The following ITCH variants were observed in gnomAD, a reference collection of about 807,000 sequenced individuals.
The protein encoded by ITCH is E3 ubiquitin-protein ligase Itchy homolog.
Under a neutral mutation model 126.8 loss-of-function variants are expected in ITCH, and 28 were observed. The observed-to-expected ratio is 0.22, with a 90% CI of 0.16 to 0.30. ITCH has a LOEUF of 0.30. ITCH is among the 10% of genes least tolerant of loss of function. The probability of loss-of-function intolerance (pLI) is 1.00; values close to 1 mark genes in which losing one functional copy is unlikely to be tolerated. For synonymous variants in ITCH, 342 were observed against 340.0 expected (o/e 1.01, Z -0.06); for missense variants, 631 against 1,032.4 (o/e 0.61, Z 5.33).
chr20:34,466,318 T>C (rs773878803), intron 14 of ITCH: 1 of 521,136 alleles, frequency 1.9e-6, no homozygotes, highest in Non-Finnish European at 3.9e-6. Flanking sequence ...TGAGATTTTT[T>C]TGCTGATTTT....
In ITCH at chr20:34,381,882, T is replaced by A. The variant is rs77267331; in HGVS notation, c.-21-11909T>A. 4.5e-3 allele frequency among the ~76,000 whole-genome samples: 674 copies of A among 149,244 alleles called. 2 individuals are homozygous for A. Among genetic ancestry groups the A allele is most frequent in the African/African-American group, 0.012 (486 of 40,700 alleles). On this transcript the variant is annotated intron_variant, in intron 2 of 24. Transcript: ENST00000374864. ...CTGTCTCTAAAAAAAAAAAAAAAAATGGAAAGAAATACTCAAAACACTCAA... is the reference window on the plus strand; with the variant it reads ...CTGTCTCTAAAAAAAAAAAAAAAAAAGGAAAGAAATACTCAAAACACTCAA...
At chr20:34,397,078 C>T (rs1299139215) in intron 3 of ITCH, among the ~76,000 whole-genome samples, 1 of 151,882 alleles carries the variant, frequency 6.6e-6, no homozygotes, top group Admixed American at 6.6e-5. Context: ...GGCTGGAGTG[C>T]AGTGGTGCAA....
At chr20:34,468,981 A>G (rs1215877720) in intron 14 of ITCH, among the ~76,000 whole-genome samples, 4 of 152,182 alleles carry the variant, frequency 2.6e-5, no homozygotes, top group Non-Finnish European at 5.9e-5. Context: ...GTACAAAATC[A>G]GTTGTATTTC....
chr20:34,478,002 C>G, intron 17 of ITCH, 142 bp downstream of exon 17: 3 of 1,095,028 alleles, frequency 2.7e-6, no homozygotes, highest in East Asian at 2.6e-5. Context: ...TATGCTGTAG[C>G]TACAGAATTT....
intron 2 of ITCH, among the ~76,000 whole-genome samples, chr20:34,386,095 G>GTTTTTTTTTTTTTTTTTTTTTTTTTT (rs58468663): frequency 6.9e-6 from 1 of 144,716 alleles, no homozygotes; most frequent in African/African-American, 2.5e-5. Flanking sequence ...CGGCTCCTTT[G>GTTTTTTTTTTTTTTTTTTTTTTTTTT]TTTTTTTTTT....
At chr20:34,493,414 T>C (rs1989652097) in intron 23 of ITCH, among the ~76,000 whole-genome samples, 1 of 152,122 alleles carries the variant, frequency 6.6e-6, no homozygotes, top group Non-Finnish European at 1.5e-5. Flanking sequence ...GAAGATTTGA[T>C]AGGAAGATAC....
rs745415209 is a variant in ITCH at position 34,471,437 on chromosome 20, A to G, written c.1498-7A>G. 1.1e-5 allele frequency: 17 copies of G among 1,575,610 alleles called. No homozygotes were observed. The highest frequency in any genetic ancestry group is 4.4e-5 in the South Asian group (4 of 90,344). The stretch of plus-strand genomic sequence containing the variant: ...GAGAGTTGACTTAAGTCATTCTTCT[A>G]TTTCAGCAACTGGCCATGCCACAGC... On this transcript the variant is annotated splice_region_variant and splice_polypyrimidine_tract_variant and intron_variant, in intron 15 of 24. Coordinates refer to ENST00000374864, the MANE Select transcript of ITCH (RefSeq NM_031483.7).
chr20:34,411,387 C>T (rs1301306731), intron 4 of ITCH, among the ~76,000 whole-genome samples: 2 of 152,170 alleles, frequency 1.3e-5, no homozygotes, highest in South Asian at 4.1e-4. Flanking sequence ...CTCCTGACCT[C>T]AAATAATCCT....
intron 23 of ITCH, 104 bp from the exon 24 acceptor site, chr20:34,504,227 T>C (rs1990476318): frequency 1.5e-5 from 13 of 852,444 alleles, no homozygotes; most frequent in Non-Finnish European, 2.6e-5. Flanking sequence ...TGAGGATTTA[T>C]GGTTCTAACA....
intron 6 of ITCH, among the ~76,000 whole-genome samples, chr20:34,414,102 A>C (rs1979460317): frequency 6.6e-6 from 1 of 151,492 alleles, no homozygotes; most frequent in Non-Finnish European, 1.5e-5. Context: ...TAATCACATC[A>C]CTGCGGTCCA....
At chr20:34,457,595 C>G in intron 13 of ITCH, 121 bp downstream of exon 13, 1 of 709,502 alleles carries the variant, frequency 1.4e-6, no homozygotes, top group Admixed American at 2.2e-5. Flanking sequence ...CACCTACATA[C>G]TTTGGAAAGA....
At chr20:34,450,493 A>G (rs1371205984) in intron 12 of ITCH, among the ~76,000 whole-genome samples, 1 of 152,192 alleles carries the variant, frequency 6.6e-6, no homozygotes, top group Non-Finnish European at 1.5e-5. Flanking sequence ...AGACCTTAAT[A>G]GACTTTAAGC....
At chr20:34,404,648 G>A (rs191338470) in intron 3 of ITCH, among the ~76,000 whole-genome samples, 1 of 152,070 alleles carries the variant, frequency 6.6e-6, no homozygotes, top group African/African-American at 2.4e-5. Flanking sequence ...CCTGACCCCC[G>A]TTGATCCTTT....
At chr20:34,370,807 AAGT>A (rs952418073) in intron 2 of ITCH, among the ~76,000 whole-genome samples, 9 of 152,128 alleles carry the variant, frequency 5.9e-5, no homozygotes, top group African/African-American at 1.9e-4. Flanking sequence ...AAGAAAAAAA[AAGT>A]AGAACATAAA....
At chr20:34,371,116 C>T (rs1190888229) in intron 2 of ITCH, among the ~76,000 whole-genome samples, 10 of 141,022 alleles carry the variant, frequency 7.1e-5, no homozygotes, top group Non-Finnish European at 1.4e-4. Flanking sequence ...TGCAGTGAGC[C>T]GAGATCACAC....
intron 20 of ITCH, among the ~76,000 whole-genome samples, chr20:34,486,198 T>C (rs1335774610): frequency 1.3e-5 from 2 of 152,100 alleles, no homozygotes; most frequent in Admixed American, 6.5e-5. Flanking sequence ...TATTTATTTA[T>C]TGTAGGAGAT....
intron 16 of ITCH, among the ~76,000 whole-genome samples, chr20:34,472,321 C>G (rs1987708541): frequency 6.8e-6 from 1 of 146,220 alleles, no homozygotes; most frequent in East Asian, 2.0e-4. Flanking sequence ...GACCCGAGAT[C>G]GTGCCATTGC....
intron 20 of ITCH, among the ~76,000 whole-genome samples, chr20:34,487,426 T>G (rs975354297): frequency 1.3e-5 from 2 of 152,248 alleles, no homozygotes; most frequent in Non-Finnish European, 2.9e-5. Context: ...CTATTTGTTT[T>G]GCTATTTGTC....
intron 14 of ITCH, among the ~76,000 whole-genome samples, chr20:34,464,843 T>C (rs1986896866): frequency 6.6e-6 from 1 of 152,042 alleles, no homozygotes; most frequent in African/African-American, 2.4e-5. Context: ...CCTGAGTAGC[T>C]GGGGTTTTAG....
Sources: gnomAD v4.1 joint callset for allele counts (sites outside exome capture counted in the v4.1 genomes callset) on GRCh38, gnomAD v4.1.1 for gene constraint, MANE v1.5 for transcripts, NCBI Gene and HGNC (gene_info 2026-07-23, HGNC 2026-07-21) for gene names.